ERC2: variants seen among roughly 807,000 people sequenced by gnomAD.
ERC2 encodes the protein ELKS/RAB6-interacting/CAST family member 2, also known as ERC protein 2.
A neutral mutation model predicts 114.8 loss-of-function variants in ERC2; 42 were observed. The observed-to-expected ratio is 0.37, with a 90% CI of 0.29 to 0.47. The LOEUF (loss-of-function observed/expected upper bound fraction) is 0.47, where lower values mean the gene tolerates loss of function less well. Among genes scored for constraint, ERC2 ranks in the 20% least tolerant of loss-of-function variants. ERC2 has a pLI of 0.99. For synonymous variants in ERC2, 454 were observed against 425.5 expected (o/e 1.07, Z -0.82); for missense variants, 939 against 1,150.7 (o/e 0.82, Z 2.66).
intron 17 of ERC2, among the ~76,000 whole-genome samples, chr3:55,644,880 A>G (rs931363107): frequency 6.6e-6 from 1 of 152,090 alleles, no homozygotes; most frequent in Non-Finnish European, 1.5e-5. Flanking sequence ...CTTGAAAAAG[A>G]TTAAGCATCA....
intron 3 of ERC2, among the ~76,000 whole-genome samples, chr3:56,289,647 G>T (rs1275029440): frequency 6.6e-6 from 1 of 152,156 alleles, no homozygotes; most frequent in Non-Finnish European, 1.5e-5. Context: ...ATTTGACTCA[G>T]TCATCTGCTC....
intron 15 of ERC2, among the ~76,000 whole-genome samples, chr3:55,702,310 G>A (rs912266225): frequency 5.9e-5 from 9 of 152,136 alleles, no homozygotes; most frequent in African/African-American, 2.2e-4. Context: ...AATTGTGAGC[G>A]GAAGAGGCTT....
At chr3:55,831,724 G>A (rs375787120) in intron 14 of ERC2, among the ~76,000 whole-genome samples, 43 of 152,246 alleles carry the variant, frequency 2.8e-4, no homozygotes, top group African/African-American at 5.5e-4. Context: ...GAGGTACCGC[G>A]TTCATCCCAC....
chr3:56,447,658 T>C (rs571962017), intron 1 of ERC2, among the ~76,000 whole-genome samples: 6 of 152,178 alleles, frequency 3.9e-5, no homozygotes, highest in Admixed American at 3.3e-4. Context: ...TATTTAATTT[T>C]AATATATTCT....
At chr3:56,174,518 A>G (rs1343827803) in intron 3 of ERC2, among the ~76,000 whole-genome samples, 1 of 152,242 alleles carries the variant, frequency 6.6e-6, no homozygotes, top group Non-Finnish European at 1.5e-5. Context: ...TAGAGTCAAC[A>G]TGGGGTAGTT....
At chr3:56,354,038 C>T (rs931449937) in intron 2 of ERC2, among the ~76,000 whole-genome samples, 3 of 152,130 alleles carry the variant, frequency 2.0e-5, no homozygotes, top group Non-Finnish European at 2.9e-5. Flanking sequence ...ATCAGGCAGC[C>T]TGACTCCAGA....
intron 2 of ERC2, among the ~76,000 whole-genome samples, chr3:56,348,907 A>AAGGAAGGAAG (rs2058429130): frequency 2.9e-5 from 1 of 34,928 alleles, no homozygotes; most frequent in African/African-American, 7.8e-5. Context: ...AAGGAAGGAA[A>AAGGAAGGAAG]GAAGGAAGGA....
chr3:55,695,261 G>A (rs1284157910), intron 16 of ERC2, among the ~76,000 whole-genome samples: 1 of 152,192 alleles, frequency 6.6e-6, no homozygotes, highest in Admixed American at 6.5e-5. Context: ...AAACACACCA[G>A]CAGCTTGTGT....
chr3:56,210,673 T>C (rs73080534), intron 3 of ERC2, among the ~76,000 whole-genome samples: 15,854 of 152,270 alleles, frequency 0.1, 912 homozygotes, highest in Middle Eastern at 0.14. Context: ...GTAAGTGTTA[T>C]TTTGTTTATG....
At chr3:56,382,061 T>C (rs1362440363) in intron 2 of ERC2, among the ~76,000 whole-genome samples, 1 of 152,128 alleles carries the variant, frequency 6.6e-6, no homozygotes, top group African/African-American at 2.4e-5. Context: ...CTATTGGCCT[T>C]CCTTCCCTTT....
chr3:56,024,642 A>C (rs1413999561), intron 7 of ERC2, among the ~76,000 whole-genome samples: 1 of 152,256 alleles, frequency 6.6e-6, no homozygotes, highest in Non-Finnish European at 1.5e-5. Context: ...TAGCAGTTTC[A>C]TCTTCCATAG....
chr3:56,081,568 A>G (rs995316008), intron 6 of ERC2, among the ~76,000 whole-genome samples: 11 of 152,190 alleles, frequency 7.2e-5, no homozygotes, highest in Admixed American at 3.9e-4. Flanking sequence ...TTAAAGAAAA[A>G]AAAAGAAAAA....
At chr3:56,387,872 C>G (rs982034227) in intron 2 of ERC2, among the ~76,000 whole-genome samples, 17 of 152,152 alleles carry the variant, frequency 1.1e-4, no homozygotes, top group Admixed American at 4.6e-4. Flanking sequence ...TCAACAATGA[C>G]TCCCTGCCTG....
At chr3:56,130,383 T>C (rs1469202080) in intron 6 of ERC2, among the ~76,000 whole-genome samples, 1 of 152,224 alleles carries the variant, frequency 6.6e-6, no homozygotes, top group East Asian at 1.9e-4. Context: ...GGGCAGACAA[T>C]GAATTTTCCT....
chr3:56,439,487 A>T (rs1352482737), intron 1 of ERC2, among the ~76,000 whole-genome samples: 3 of 152,106 alleles, frequency 2.0e-5, no homozygotes, highest in Non-Finnish European at 2.9e-5. Flanking sequence ...CTAGTTGTTT[A>T]TTATCTTTTC....
chr3:55,860,845 A>G (rs1575893232), intron 14 of ERC2, among the ~76,000 whole-genome samples: 1 of 152,234 alleles, frequency 6.6e-6, no homozygotes, highest in Non-Finnish European at 1.5e-5. Flanking sequence ...ACAGTATGAC[A>G]GCAAGGAAGG....
At chr3:56,274,798 T>C (rs1260332811) in intron 3 of ERC2, among the ~76,000 whole-genome samples, 5 of 152,184 alleles carry the variant, frequency 3.3e-5, no homozygotes, top group Admixed American at 2.6e-4. Context: ...ATACATGCCA[T>C]ACTAAGGCGA....
At chr3:55,546,879 T>C (rs774989531) in intron 17 of ERC2, among the ~76,000 whole-genome samples, 2 of 152,196 alleles carry the variant, frequency 1.3e-5, no homozygotes, top group Non-Finnish European at 2.9e-5. Context: ...CGAGGCTCTC[T>C]CTCCTGAGGT....
intron 17 of ERC2, among the ~76,000 whole-genome samples, chr3:55,602,987 G>A (rs1489078203): frequency 6.6e-5 from 10 of 152,148 alleles, no homozygotes; most frequent in Non-Finnish European, 1.5e-4. Flanking sequence ...CTACTCACAA[G>A]AGAAGACCGA....
Sources: gnomAD v4.1 joint callset for allele counts (sites outside exome capture counted in the v4.1 genomes callset) on GRCh38, gnomAD v4.1.1 for gene constraint, MANE v1.5 for transcripts, NCBI Gene and HGNC (gene_info 2026-07-23, HGNC 2026-07-21) for gene names.